PALD1: variants seen among roughly 807,000 people sequenced by gnomAD.
PALD1 encodes the protein phosphatase domain containing paladin 1.
Under a neutral mutation model 96.0 loss-of-function variants are expected in PALD1, and 57 were observed. That is an observed-to-expected ratio of 0.59 (90% CI 0.48 to 0.74). The LOEUF is 0.74. Ranked by LOEUF, PALD1 falls within the 30% of genes least tolerant of loss-of-function variation. The pLI is 0.00. For missense variants in PALD1, 1,063 were observed against 1,143.7 expected (o/e 0.93, Z 1.02); for synonymous variants, 464 against 473.6 (o/e 0.98, Z 0.26).
Position 70,526,111 on chromosome 10 carries a change from A to C in PALD1, c.160A>C (p.Asn54His). The C allele has an allele frequency of 6.2e-7, 1 of 1,614,148 alleles. No individual in the cohort carries two copies. The highest frequency in any genetic ancestry group is 1.1e-5 in the South Asian group (1 of 91,068). The change falls in exon 2 of 20, where the codon AAC becomes CAC. Residue 54 changes from asparagine to histidine, a missense_variant. By Grantham distance (68) the Asn-to-His change is moderately conservative. Transcript: ENST00000263563. ...CAGCAAGGCCAAGTCCATCATCCCC[A>C]ACAAGGTGGCCCCTGTTGTGATCAC... ...HNSKAKSIIP[N>H]KVAPVVITYN...
chr10:70,556,007 A>C (rs1847601807), intron 18 of PALD1, among the ~76,000 whole-genome samples: 1 of 148,388 alleles, frequency 6.7e-6, no homozygotes, highest in Non-Finnish European at 1.5e-5. Flanking sequence ...TCTCAAAACA[A>C]AACAAAACAA....
At chr10:70,459,858 T>A in the PALD1 span, among the ~76,000 whole-genome samples, 1 of 152,024 alleles carries the variant, frequency 6.6e-6, no homozygotes, top group Non-Finnish European at 1.5e-5. Flanking sequence ...CCCTGTGCCC[T>A]CATCTTCACA....
chr10:70,460,190 A>C, the PALD1 span, among the ~76,000 whole-genome samples: 2 of 151,430 alleles, frequency 1.3e-5, no homozygotes, highest in African/African-American at 2.4e-5. Context: ...CCCCTGCCCC[A>C]GGCCTCCCCT....
the PALD1 span, among the ~76,000 whole-genome samples, chr10:70,459,894 G>A: frequency 1.3e-5 from 2 of 152,028 alleles, no homozygotes; most frequent in Non-Finnish European, 2.9e-5. Context: ...TCCAGCTGCC[G>A]CACCTTCTCC....
chr10:70,471,372 T>C, the PALD1 span, among the ~76,000 whole-genome samples: 2 of 152,246 alleles, frequency 1.3e-5, no homozygotes, highest in African/African-American at 4.8e-5. Flanking sequence ...GATTCTGTGG[T>C]TGGAATCCAT....
intron 1 of PALD1, among the ~76,000 whole-genome samples, chr10:70,510,461 A>G (rs1460859448): frequency 6.6e-6 from 1 of 151,988 alleles, no homozygotes; most frequent in African/African-American, 2.4e-5. Context: ...TCTTAACCCT[A>G]TTCTCCCTGG....
At chr10:70,541,394 A>G (rs1589210789) in intron 16 of PALD1, 69 bp from the exon 17 acceptor site, 1 of 1,554,370 alleles carries the variant, frequency 6.4e-7, no homozygotes, top group Non-Finnish European at 8.9e-7. Context: ...GGCAGCCCCC[A>G]AGTCCTCCCC....
intron 1 of PALD1, 133 bp from the exon 2 acceptor site, chr10:70,525,790 G>A (rs1174121188): frequency 2.9e-6 from 2 of 691,402 alleles, no homozygotes; most frequent in Admixed American, 4.7e-5. Flanking sequence ...CGGTGTAGGA[G>A]GCAAGCCTGC....
At position 70,481,016 on chromosome 10, in the gene PALD1, G is replaced by A. The variant is rs540145984; in HGVS notation, c.-30+1957G>A. Reference sequence around the variant, plus strand: ...TGGGCCACGTATGGGCTGCAGACACGTACATAGAAATACACCATTGCTGGG... The same window carrying A: ...TGGGCCACGTATGGGCTGCAGACACATACATAGAAATACACCATTGCTGGG... On this transcript the variant is annotated intron_variant, in intron 1 of 19. Transcript: ENST00000263563. 2.3e-4 allele frequency among the ~76,000 whole-genome samples: 35 copies of A among 152,316 alleles called. No individual in the cohort carries two copies. The South Asian group carries it at 3.5e-3, about 15-fold the overall frequency.
chr10:70,548,459 T>G (rs966374222), intron 18 of PALD1, among the ~76,000 whole-genome samples: 9 of 152,216 alleles, frequency 5.9e-5, no homozygotes, highest in Non-Finnish European at 1.2e-4. Flanking sequence ...CAGGCTAGTG[T>G]GGGCTCTGGA....
At chr10:70,470,951 G>A in the PALD1 span, among the ~76,000 whole-genome samples, 15 of 149,892 alleles carry the variant, frequency 1.0e-4, no homozygotes, top group South Asian at 1.5e-3. Flanking sequence ...ACAGGCATGC[G>A]CCACCACACC....
At position 70,529,894 on chromosome 10, in the gene PALD1, C is replaced by A. The variant is rs1252469985; in HGVS notation, c.294C>A (p.Arg98=). ...CTGTGGCTCTCCCCTGCCAGGGCCG[C>A]TACTTCCTGGTGCGGGATGTCACTG... ...NTPEHYLVQG[R]YFLVRDVTEK... is the part of the protein sequence containing the mutation. The change falls in exon 4 of 20, where the codon CGC becomes CGA. Residue 98 remains arginine (R), a synonymous_variant. Coordinates refer to ENST00000263563, the MANE Select transcript of PALD1 (RefSeq NM_014431.3). 6 of 1,613,668 alleles carry A rather than the reference C, an allele frequency of 3.7e-6. No individual in the cohort carries two copies. In the African/African-American group the frequency reaches 6.7e-5, roughly 18 times the overall value.
chr10:70,557,330 T>C (rs968493911), intron 18 of PALD1, among the ~76,000 whole-genome samples: 4 of 152,002 alleles, frequency 2.6e-5, no homozygotes, highest in Non-Finnish European at 4.4e-5. Flanking sequence ...CCAGGCAGGC[T>C]CTATGGGCTA....
chr10:70,564,317 G>C, intron 18 of PALD1, 47 bp from the exon 19 acceptor site: 1 of 1,564,390 alleles, frequency 6.4e-7, no homozygotes, highest in Non-Finnish European at 8.7e-7. Flanking sequence ...TGTGTGTTGG[G>C]GGACACGGAT....
At chr10:70,557,529 A>G (rs968870933) in intron 18 of PALD1, among the ~76,000 whole-genome samples, 1 of 152,166 alleles carries the variant, frequency 6.6e-6, no homozygotes, top group Non-Finnish European at 1.5e-5. Flanking sequence ...ACCTTTGGAA[A>G]ATGGGTTACT....
intron 18 of PALD1, among the ~76,000 whole-genome samples, chr10:70,554,798 G>A (rs1847558930): frequency 6.6e-6 from 1 of 151,454 alleles, no homozygotes. Flanking sequence ...GAACAGCTGA[G>A]GTGAAGGGAG....
At chr10:70,487,849 A>G (rs1419668408) in intron 1 of PALD1, among the ~76,000 whole-genome samples, 2 of 150,036 alleles carry the variant, frequency 1.3e-5, no homozygotes, top group East Asian at 3.8e-4. Flanking sequence ...TCCATCACCT[A>G]GAAGGGCCCT....
At chr10:70,506,916 G>T (rs1265002993) in intron 1 of PALD1, among the ~76,000 whole-genome samples, 1 of 152,116 alleles carries the variant, frequency 6.6e-6, no homozygotes, top group East Asian at 1.9e-4. Flanking sequence ...TCAAAGGTCA[G>T]CGCCTTCCAC....
chr10:70,560,718 C>G (rs377522764), intron 18 of PALD1, among the ~76,000 whole-genome samples: 22 of 152,066 alleles, frequency 1.4e-4, no homozygotes, highest in African/African-American at 5.3e-4. Context: ...GCTGGGCTGC[C>G]TCGATGCCAG....
Sources: gnomAD v4.1 joint callset for allele counts (sites outside exome capture counted in the v4.1 genomes callset) on GRCh38, gnomAD v4.1.1 for gene constraint, MANE v1.5 for transcripts, NCBI Gene and HGNC (gene_info 2026-07-23, HGNC 2026-07-21) for gene names.